The following LEMD1 variants were observed in gnomAD, a reference collection of about 807,000 sequenced individuals.
LEMD1 encodes the protein LEM domain containing 1.
LEMD1 carries 18 observed loss-of-function variants against 17.4 expected under a neutral mutation model. The ratio of observed to expected loss-of-function variants is 1.04; its 90% CI spans 0.72 to 1.54. LEMD1 has a LOEUF of 1.54. Among genes scored for constraint, LEMD1 ranks in the 40% most tolerant of loss-of-function variants. The pLI is 0.00. For missense variants in LEMD1, 195 were observed against 210.4 expected (o/e 0.93, Z 0.45); for synonymous variants, 88 against 77.8 (o/e 1.13, Z -0.69).
chr1:205,391,358 G>A (rs1664323765), intron 4 of LEMD1, among the ~76,000 whole-genome samples: 1 of 151,978 alleles, frequency 6.6e-6, no homozygotes, highest in African/African-American at 2.4e-5. Flanking sequence ...GAGTTCCCAG[G>A]GTTTGTTTTT....
intron 3 of LEMD1, 130 bp from the exon 4 acceptor site, chr1:205,416,426 G>A: frequency 1.5e-6 from 1 of 649,788 alleles, no homozygotes; most frequent in Non-Finnish European, 2.7e-6. Context: ...AAATTCACGT[G>A]GCTCTTCTGA....
chr1:205,426,554 G>A (rs959670414), upstream of LEMD1, among the ~76,000 whole-genome samples: 2 of 152,186 alleles, frequency 1.3e-5, no homozygotes, highest in African/African-American at 2.4e-5. Context: ...GAACAAGTAA[G>A]GTCTGGATTG....
In LEMD1 at chr1:205,399,072, G is replaced by A. The variant is rs147966655; in HGVS notation, c.271-14708C>T. Among the ~76,000 whole-genome samples, 106 of 152,086 alleles carry A rather than the reference G, an allele frequency of 7.0e-4. No individual in the cohort carries two copies. In the East Asian group the frequency reaches 0.016, roughly 23 times the overall value. On this transcript the variant is annotated intron_variant, in intron 4 of 5. Coordinates refer to ENST00000367153, the MANE Select transcript of LEMD1 (RefSeq NM_001199050.2). ...TCTACTAAAAATACAAAAATTAGCCGAGTGTGGTGGTGCAAGCCTGTAGTT... is the reference window on the plus strand; with the variant it reads ...TCTACTAAAAATACAAAAATTAGCCAAGTGTGGTGGTGCAAGCCTGTAGTT...
At chr1:205,412,254 A>G (rs1250796504) in intron 4 of LEMD1, among the ~76,000 whole-genome samples, 1 of 152,172 alleles carries the variant, frequency 6.6e-6, no homozygotes, top group Non-Finnish European at 1.5e-5. Flanking sequence ...AGTTACACAT[A>G]CTGACTTAAT....
intron 1 of LEMD1, among the ~76,000 whole-genome samples, chr1:205,447,282 T>C (rs1666408608): frequency 1.3e-5 from 2 of 152,140 alleles, no homozygotes. Context: ...AGGACTGTCT[T>C]GAGGATGAAA....
intron 3 of LEMD1, among the ~76,000 whole-genome samples, chr1:205,417,949 T>C (rs1426535587): frequency 2.0e-5 from 3 of 151,958 alleles, no homozygotes; most frequent in African/African-American, 7.3e-5. Flanking sequence ...CAAATCTCAG[T>C]TCTCTCACTT....
Position 205,388,083 on chromosome 1 carries a change from C to G in LEMD1, c.271-3719G>C, listed in dbSNP as rs572913503. On this transcript the variant is annotated intron_variant, in intron 4 of 5. Transcript: ENST00000367153. ...CAATGGAGCTAAGAGCCCCACAGTC[C>G]CTGCCCATAATCACCACATGGTACT... Among the ~76,000 whole-genome samples, 4 of 152,350 alleles carry G rather than the reference C, an allele frequency of 2.6e-5. No homozygotes were observed. The East Asian group carries it at 7.7e-4, about 29-fold the overall frequency.
At chr1:205,395,245 G>T (rs1359614077) in intron 4 of LEMD1, among the ~76,000 whole-genome samples, 1 of 152,136 alleles carries the variant, frequency 6.6e-6, no homozygotes, top group Non-Finnish European at 1.5e-5. Context: ...GGTATGGTTA[G>T]ATTCAACATG....
At chr1:205,439,062 G>A (rs1666252581) in intron 1 of LEMD1, among the ~76,000 whole-genome samples, 2 of 152,154 alleles carry the variant, frequency 1.3e-5, no homozygotes, top group Non-Finnish European at 2.9e-5. Flanking sequence ...ACTTTTCTAG[G>A]ATTGCAGCCT....
intron 4 of LEMD1, among the ~76,000 whole-genome samples, chr1:205,398,998 T>A (rs1388883613): frequency 1.3e-5 from 2 of 152,138 alleles, no homozygotes. Flanking sequence ...GTGGATCACC[T>A]GAGGTCAGGA....
rs557593697 is a variant in LEMD1, at chr1:205,404,198, TC to T, written c.270+12033del. Among the ~76,000 whole-genome samples the T allele has an allele frequency of 2.0e-5, 3 of 152,306 alleles. No homozygotes were observed. In the East Asian group the frequency reaches 5.8e-4, roughly 29 times the overall value. On this transcript the variant is annotated intron_variant, in intron 4 of 5. Coordinates refer to ENST00000367153, the MANE Select transcript of LEMD1 (RefSeq NM_001199050.2). ...ATTCTGTTGATGTGGGGTGGAGAGTTCTATAGATGTCTATTAGGTCTGCTTG... is the reference window on the plus strand; with the variant it reads ...ATTCTGTTGATGTGGGGTGGAGAGTTTATAGATGTCTATTAGGTCTGCTTG...
chr1:205,434,169 A>G (rs1666167850), intron 1 of LEMD1, among the ~76,000 whole-genome samples: 1 of 136,690 alleles, frequency 7.3e-6, no homozygotes, highest in South Asian at 2.6e-4. Flanking sequence ...GAGAAGCCCA[A>G]CTAAGGATTC....
At chr1:205,420,346 A>G in intron 2 of LEMD1, 109 bp downstream of exon 2, 10 of 810,146 alleles carry the variant, frequency 1.2e-5, no homozygotes, top group East Asian at 7.7e-5. Context: ...TGTTTTCTCT[A>G]TGTTCCTATT....
intron 1 of LEMD1, among the ~76,000 whole-genome samples, chr1:205,432,712 G>A (rs12119166): frequency 0.054 from 8,160 of 152,282 alleles, 301 homozygotes; most frequent in Non-Finnish European, 0.081. Flanking sequence ...GAGGGTCCCC[G>A]GGAAATCCCA....
chr1:205,443,218 C>A (rs1374637468), intron 1 of LEMD1, among the ~76,000 whole-genome samples: 1 of 152,184 alleles, frequency 6.6e-6, no homozygotes, highest in Non-Finnish European at 1.5e-5. Flanking sequence ...GAACTCCCAA[C>A]TAAAACAAGC....
chr1:205,427,966 G>C (rs932259574), intron 1 of LEMD1, among the ~76,000 whole-genome samples: 2 of 152,166 alleles, frequency 1.3e-5, no homozygotes, highest in Non-Finnish European at 1.5e-5. Flanking sequence ...GAGAAGTGTG[G>C]ATGTTTCCTG....
chr1:205,414,505 G>A (rs1665602249), intron 4 of LEMD1, among the ~76,000 whole-genome samples: 1 of 151,808 alleles, frequency 6.6e-6, no homozygotes, highest in Non-Finnish European at 1.5e-5. Context: ...GCTCACTGCA[G>A]CCTCAACCTC....
intron 4 of LEMD1, chr1:205,385,606 T>C (rs1364340807): frequency 1.3e-5 from 2 of 152,296 alleles, no homozygotes; most frequent in African/African-American, 4.8e-5. Flanking sequence ...AAACCGTCCC[T>C]GTCCAAAACA....
Position 205,420,501 on chromosome 1 carries a change from C to A in LEMD1, c.36G>T (p.Leu12Phe), listed in dbSNP as rs922127709. ...VDVKCLSDCK[L>F]QNQLEKLGFS... ...ATCCAAGCTTCTCAAGTTGGTTCTG[C>A]AATTTACAGTCACTCAGACACTTCA... The change falls in exon 2 of 6, where the codon TTG (leucine) becomes TTT (phenylalanine). Residue 12 changes from leucine to phenylalanine, a missense_variant. Physicochemically the swap from Leu to Phe is conservative, Grantham distance 22. Coordinates refer to ENST00000367153, the MANE Select transcript of LEMD1 (RefSeq NM_001199050.2). 1.9e-6 allele frequency: 3 copies of A among 1,613,986 alleles called. No individual in the cohort carries two copies. The highest frequency in any genetic ancestry group is 2.7e-5 in the African/African-American group (2 of 74,922).
Sources: allele counts gnomAD v4.1 joint callset (sites outside exome capture counted in the v4.1 genomes callset), GRCh38; gene constraint gnomAD v4.1.1; transcripts MANE v1.5; gene names NCBI Gene and HGNC (gene_info 2026-07-23, HGNC 2026-07-21).